Variants in KLHL15 observed in about 807,000 individuals in gnomAD.
KLHL15 encodes kelch-like protein 15.
In KLHL15, 1 loss-of-function variant was observed where a neutral mutation model predicts 29.3. The observed-to-expected ratio is 0.03, with a 90% CI of 0.01 to 0.16. The LOEUF (loss-of-function observed/expected upper bound fraction) is 0.16. Among genes scored for constraint, KLHL15 ranks in the 10% least tolerant of loss-of-function variants. The pLI, the probability that KLHL15 is intolerant of heterozygous loss-of-function variation, is 1.00. For missense variants in KLHL15, 215 were observed against 478.5 expected (o/e 0.45, Z 5.14); for synonymous variants, 212 against 184.5 (o/e 1.15, Z -1.21).
chrX:24,024,319 C>G (rs944588807), intron 2 of KLHL15, among the ~76,000 whole-genome samples: 2 of 112,130 alleles, frequency 1.8e-5, no homozygotes, highest in African/African-American at 6.5e-5. Context: ...ATTAACCACT[C>G]TACCAAAGGT....
chrX:24,006,219 G>A lies in KLHL15; in HGVS notation c.475C>T (p.Leu159=), dbSNP rs1929443783. Residue 159 remains leucine (L), a synonymous_variant, in exon 3 of 4, where the codon CTA becomes TTA. Coordinates refer to ENST00000328046, the MANE Select transcript of KLHL15 (RefSeq NM_030624.3). ...GVREKLDTFL[L]DNFVPLMSRP... ...GACATGAGTGGCACAAAGTTGTCTA[G>A]CAGAAAGGTGTCTAACTTCTCCCTG... The A allele has an allele frequency of 8.3e-7, 1 of 1,209,407 alleles. No homozygotes were observed. Among genetic ancestry groups the A allele is most frequent in the African/African-American group, 1.7e-5 (1 of 57,159 alleles).
At chrX:24,003,941 A>G (rs1018926907) in intron 3 of KLHL15, among the ~76,000 whole-genome samples, 1 of 101,660 alleles carries the variant, frequency 9.8e-6, no homozygotes, top group Admixed American at 1.0e-4. Flanking sequence ...AAATATTAAA[A>G]AAGAAAAAAG....
chrX:24,023,782 A>G (rs1252026941), intron 2 of KLHL15, among the ~76,000 whole-genome samples: 1 of 112,537 alleles, frequency 8.9e-6, no homozygotes, highest in East Asian at 2.8e-4. Flanking sequence ...AAATGAGAAT[A>G]AAATTATATA....
intron 2 of KLHL15, among the ~76,000 whole-genome samples, chrX:24,016,308 C>A (rs1929679446): frequency 1.1e-5 from 1 of 88,353 alleles, no homozygotes; most frequent in Non-Finnish European, 2.1e-5. Flanking sequence ...CCACTGCACT[C>A]CAGCCTGGGC....
chrX:24,022,515 T>C (rs1929831446), intron 2 of KLHL15, among the ~76,000 whole-genome samples: 1 of 106,640 alleles, frequency 9.4e-6, no homozygotes, highest in African/African-American at 3.4e-5. Flanking sequence ...GCGCCTATAA[T>C]CCCAGCTACT....
intron 2 of KLHL15, among the ~76,000 whole-genome samples, chrX:24,011,892 G>A (rs1929582200): frequency 8.9e-6 from 1 of 112,821 alleles, no homozygotes; most frequent in African/African-American, 3.2e-5. Flanking sequence ...GCTCACGCCT[G>A]TAATCCCAGC....
chrX:24,005,937 C>T, intron 3 of KLHL15, 52 bp downstream of exon 3: 1 of 933,514 alleles, frequency 1.1e-6, no homozygotes, highest in Non-Finnish European at 1.5e-6. Context: ...TAAAGACATA[C>T]ACTGCCTTAA....
At chrX:24,017,643 T>A (rs1378213929) in intron 2 of KLHL15, among the ~76,000 whole-genome samples, 1 of 108,346 alleles carries the variant, frequency 9.2e-6, no homozygotes, top group Non-Finnish European at 1.9e-5. Context: ...TAGTCAGACG[T>A]GGTGGTGTGT....
rs896537561 is a variant in KLHL15, at chrX:23,984,061, C to T, written c.*3860G>A. The T allele has an allele frequency of 9.0e-6, 1 of 111,690 alleles. No homozygotes were observed. Among genetic ancestry groups the T allele is most frequent in the Non-Finnish European group, 1.9e-5 (1 of 53,094 alleles). 9.2% of individuals were successfully genotyped at this position (111,690 alleles called of 1,213,427 possible). On this transcript the variant is annotated 3_prime_UTR_variant, in exon 4 of 4. Transcript: ENST00000328046. ...ACCTCTCCCAATCACCTCACTGGAC[C>T]ATTCCTTCAGAAAGCAAACACCTAA...
intron 2 of KLHL15, among the ~76,000 whole-genome samples, chrX:24,016,764 A>G (rs1406627016): frequency 8.9e-6 from 1 of 111,762 alleles, no homozygotes; most frequent in Non-Finnish European, 1.9e-5. Flanking sequence ...AGTACAGTGC[A>G]TGGACCTTAA....
At chrX:24,018,978 G>A (rs769146409) in intron 2 of KLHL15, among the ~76,000 whole-genome samples, 89 of 111,797 alleles carry the variant, frequency 8.0e-4, no homozygotes, top group African/African-American at 2.8e-3. Context: ...CAGCCAGGGC[G>A]ACAGAGCAAG....
Position 23,986,116 on chromosome X carries a change from T to TTA in KLHL15, c.*1803_*1804dup, listed in dbSNP as rs1437772543. On this transcript the variant is annotated 3_prime_UTR_variant, in exon 4 of 4. Transcript: ENST00000328046. ...TGCCAATGGTTTTTTCAAAAGCTACTTATGTACCTGGTTTCTTAAACCCAA... is the reference window on the plus strand; with the variant it reads ...TGCCAATGGTTTTTTCAAAAGCTACTTATATGTACCTGGTTTCTTAAACCCAA... 9.0e-6 allele frequency: 1 copy of TTA among 110,742 alleles called. No individual in the cohort carries two copies. The highest frequency in any genetic ancestry group is 2.8e-4 in the East Asian group (1 of 3,571). 9.1% of individuals were successfully genotyped at this position (110,742 alleles called of 1,213,427 possible).
chrX:24,010,071 C>T (rs999773621), intron 2 of KLHL15, among the ~76,000 whole-genome samples: 10 of 110,245 alleles, frequency 9.1e-5, no homozygotes, highest in Non-Finnish European at 1.9e-4. Flanking sequence ...GATCAGCCAT[C>T]CAAAAACTGT....
intron 2 of KLHL15, among the ~76,000 whole-genome samples, chrX:24,007,407 C>T (rs1929467513): frequency 2.0e-5 from 2 of 102,523 alleles, no homozygotes; most frequent in South Asian, 4.5e-4. Flanking sequence ...ACAGGAGAAT[C>T]GCTTGAACTC....
At chrX:24,018,323 T>G (rs1165372809) in intron 2 of KLHL15, among the ~76,000 whole-genome samples, 1 of 111,474 alleles carries the variant, frequency 9.0e-6, no homozygotes, top group Non-Finnish European at 1.9e-5. Context: ...TAAGAGGCTT[T>G]GAGGAAAAAC....
At chrX:23,996,052 A>C (rs1420178160) in intron 3 of KLHL15, among the ~76,000 whole-genome samples, 1 of 112,600 alleles carries the variant, frequency 8.9e-6, no homozygotes, top group Non-Finnish European at 1.9e-5. Flanking sequence ...CCCAGCCACG[A>C]AATAATTTTT....
At chrX:24,016,339 CAAAAAAAAAAAAAAAAAA>C (rs755683770) in intron 2 of KLHL15, among the ~76,000 whole-genome samples, 1 of 21,691 alleles carries the variant, frequency 4.6e-5, no homozygotes, top group East Asian at 1.8e-3. Context: ...GACTCTGTCT[CAAAAAAAAAAAAAAAAAA>C]AAAAAAAAAA....
At chrX:23,990,393 A>G (rs1276857405) in intron 3 of KLHL15, among the ~76,000 whole-genome samples, 2 of 111,390 alleles carry the variant, frequency 1.8e-5, no homozygotes, top group Non-Finnish European at 3.8e-5. Flanking sequence ...GACATTCAAG[A>G]GATACTTTGT....
intron 3 of KLHL15, among the ~76,000 whole-genome samples, chrX:23,994,293 G>A (rs1357467143): frequency 9.0e-6 from 1 of 111,675 alleles, no homozygotes; most frequent in Non-Finnish European, 1.9e-5. Flanking sequence ...AAGTTAAGAG[G>A]GAGATTTTAT....
Sources: gnomAD v4.1 joint callset for allele counts (sites outside exome capture counted in the v4.1 genomes callset) on GRCh38, gnomAD v4.1.1 for gene constraint, MANE v1.5 for transcripts, NCBI Gene and HGNC (gene_info 2026-07-23, HGNC 2026-07-21) for gene names.